Variants in ZNF721 observed in about 807,000 individuals in gnomAD.
ZNF721 encodes the protein zinc finger protein 721.
In ZNF721, 2 loss-of-function variants were observed where a neutral mutation model predicts 2.4. The ratio of observed to expected loss-of-function variants is 0.82; its 90% CI spans 0.34 to 2.58. ZNF721 has a LOEUF of 2.58. Among genes scored for constraint, ZNF721 ranks in the 30% most tolerant of loss-of-function variants. The probability of loss-of-function intolerance (pLI) is 0.11; values close to 1 mark genes in which losing one functional copy is unlikely to be tolerated. For missense variants in ZNF721, 1,187 were observed against 1,085.5 expected, an observed-to-expected ratio of 1.09 and a Z score of -1.31; for synonymous variants, 398 against 381.8, an observed-to-expected ratio of 1.04 and a Z score of -0.50.
intron 1 of ZNF721, chr4:474,044 C>G: frequency 1.3e-6 from 2 of 1,485,378 alleles, no homozygotes; most frequent in Admixed American, 3.6e-5. Flanking sequence ...CCGCAGGTTA[C>G]AGAGCGATGG....
In ZNF721 at chr4:472,715, T is replaced by C. The variant is rs782464423; in HGVS notation, c.-93-14A>G. On this transcript the variant is annotated splice_polypyrimidine_tract_variant and intron_variant, in intron 1 of 2. Transcript: ENST00000511833. ...TGTTAAGGGTTCCTGAAAATACATATGTATCAAGTGACAGAGTTCTTAATT... is the reference window on the plus strand; with the variant it reads ...TGTTAAGGGTTCCTGAAAATACATACGTATCAAGTGACAGAGTTCTTAATT... 5 of 1,610,610 alleles carry C rather than the reference T, an allele frequency of 3.1e-6. No individual in the cohort carries two copies. Among genetic ancestry groups the C allele is most frequent in the East Asian group, 4.5e-5 (2 of 44,872 alleles).
chr4:443,032 C>T lies in ZNF721; in HGVS notation c.1435G>A (p.Gly479Ser). 3 of 1,613,784 alleles carry T rather than the reference C, an allele frequency of 1.9e-6. No homozygotes were observed. The highest frequency in any genetic ancestry group is 1.7e-6 in the Non-Finnish European group (2 of 1,179,774). Residue 479 changes from glycine to serine, a missense_variant, in exon 3 of 3, where the codon GGC (glycine) becomes AGC (serine). Physicochemically the swap from Gly to Ser is moderately conservative, Grantham distance 56. Transcript: ENST00000511833. ...GKKPYKCKQC[G>S]KVITSSSSFA... Reference sequence around the variant, plus strand: ...CTTGAGGATGAGGTAATGACTTTGCCACATTGCTTACATTTGTAGGGTTTC... The same window carrying T: ...CTTGAGGATGAGGTAATGACTTTGCTACATTGCTTACATTTGTAGGGTTTC...
chr4:450,071 C>T (rs570203862), intron 2 of ZNF721, among the ~76,000 whole-genome samples: 10 of 152,200 alleles, frequency 6.6e-5, no homozygotes, highest in South Asian at 4.2e-4. Flanking sequence ...AAACTGTGGA[C>T]GACCACACAC....
intron 2 of ZNF721, among the ~76,000 whole-genome samples, chr4:461,641 G>A (rs1033110879): frequency 6.6e-6 from 1 of 152,184 alleles, no homozygotes; most frequent in Non-Finnish European, 1.5e-5. Context: ...GGGAGGCTGA[G>A]GTGGGTGGAT....
intron 2 of ZNF721, among the ~76,000 whole-genome samples, chr4:445,947 G>C (rs1553864100): frequency 6.6e-6 from 1 of 152,066 alleles, no homozygotes; most frequent in Non-Finnish European, 1.5e-5. Context: ...AGAAGGAACT[G>C]CAATATAATT....
Position 443,211 on chromosome 4 carries a change from CAT to C in ZNF721, c.1254_1255del (p.Cys419Ter), listed in dbSNP as rs782579789. On this transcript the variant is annotated frameshift_variant, in exon 3 of 3. Coordinates refer to ENST00000511833, the MANE Select transcript of ZNF721 (RefSeq NM_133474.4). LOFTEE classifies it low-confidence loss of function (END_TRUNC). Reference sequence around the variant, plus strand: ...TCCAAAGGCTCTGCCACGATCTTCACATGTGTAGGGTTTCTCTCTGGTGTGAA... The same window carrying C: ...TCCAAAGGCTCTGCCACGATCTTCACGTGTAGGGTTTCTCTCTGGTGTGAA... The C allele has an allele frequency of 4.2e-5, 67 of 1,613,824 alleles. No homozygotes were observed. The highest frequency in any genetic ancestry group is 4.9e-5 in the Non-Finnish European group (58 of 1,179,902).
chr4:464,845 C>T (rs368874116), intron 2 of ZNF721, among the ~76,000 whole-genome samples: 2 of 151,676 alleles, frequency 1.3e-5, no homozygotes, highest in South Asian at 2.1e-4. Context: ...TTTGGGAGGC[C>T]GAGGCGGGAG....
chr4:496,982 G>A, intron 1 of ZNF721, among the ~76,000 whole-genome samples: 1 of 152,008 alleles, frequency 6.6e-6, no homozygotes, highest in Non-Finnish European at 1.5e-5. Flanking sequence ...AAAGTGCTGG[G>A]ATTACAGGCG....
chr4:479,449 A>T (rs1174826859), intron 1 of ZNF721, among the ~76,000 whole-genome samples: 2 of 152,220 alleles, frequency 1.3e-5, no homozygotes, highest in Non-Finnish European at 2.9e-5. Flanking sequence ...AGAGGCACAG[A>T]AACAGCACAG....
chr4:498,215 GAAAAAAAAAAAA>G (rs797042296), intron 1 of ZNF721, among the ~76,000 whole-genome samples: 7 of 83,926 alleles, frequency 8.3e-5, no homozygotes, highest in South Asian at 9.6e-4. Context: ...AAAAGAAAAA[GAAAAAAAAAAAA>G]AAAAAAAAAA....
At chr4:488,234 A>C (rs1553870915) in intron 1 of ZNF721, among the ~76,000 whole-genome samples, 1 of 151,980 alleles carries the variant, frequency 6.6e-6, no homozygotes, top group Non-Finnish European at 1.5e-5. Context: ...CTGTTCAATT[A>C]TTTGTTCAAA....
At chr4:497,695 T>C (rs1716257596) in intron 1 of ZNF721, among the ~76,000 whole-genome samples, 1 of 142,404 alleles carries the variant, frequency 7.0e-6, no homozygotes, top group South Asian at 2.2e-4. Context: ...GAGACCATCC[T>C]GGCTAACATG....
At chr4:495,072 C>T (rs1343643656) in intron 1 of ZNF721, among the ~76,000 whole-genome samples, 7 of 151,560 alleles carry the variant, frequency 4.6e-5, no homozygotes, top group Non-Finnish European at 8.8e-5. Flanking sequence ...TTAATAGAGA[C>T]GAGGTTTCAC....
rs1296603375 is a variant in ZNF721 at position 440,913 on chromosome 4, T to G, written c.*782A>C. 6.6e-6 allele frequency: 1 copy of G among 152,240 alleles called. No individual in the cohort carries two copies. The highest frequency in any genetic ancestry group is 1.9e-4 in the East Asian group (1 of 5,206). 9.4% of individuals were successfully genotyped at this position (152,240 alleles called of 1,614,324 possible). ...ACTCCCGACCTCAGGTGATCCACCC[T>G]CCTTGGCCTCCCAAAGTGTTGGGAT... On this transcript the variant is annotated 3_prime_UTR_variant, in exon 3 of 3. Transcript: ENST00000511833.
intron 2 of ZNF721, among the ~76,000 whole-genome samples, chr4:467,282 T>C (rs189967870): frequency 9.3e-4 from 142 of 152,266 alleles, no homozygotes; most frequent in Non-Finnish European, 5.3e-4. Flanking sequence ...TGAAAAATTC[T>C]TTAGAATCAA....
At chr4:452,486 G>A (rs112426057) in intron 2 of ZNF721, among the ~76,000 whole-genome samples, 46 of 152,152 alleles carry the variant, frequency 3.0e-4, no homozygotes, top group African/African-American at 1.1e-3. Context: ...CAACCTCTGC[G>A]TGCAGTCACT....
rs561333870 is a variant in ZNF721, at chr4:486,284, G to A, written c.-94+12772C>T. 3.9e-3 allele frequency among the ~76,000 whole-genome samples: 593 copies of A among 151,404 alleles called. 2 individuals carry two copies. Among genetic ancestry groups the A allele is most frequent in the Middle Eastern group, 0.024 (7 of 292 alleles). On this transcript the variant is annotated intron_variant, in intron 1 of 2. Coordinates refer to ENST00000511833, the MANE Select transcript of ZNF721 (RefSeq NM_133474.4). ...CGTGATTCTCCTGCCTCCGCCTCCC[G>A]AGTAGCTGGGACTACAGGCGTCCGC...
chr4:469,530 CCCTATCAAAA>C (rs1715362835), intron 2 of ZNF721, among the ~76,000 whole-genome samples: 1 of 152,106 alleles, frequency 6.6e-6, no homozygotes, highest in Non-Finnish European at 1.5e-5. Context: ...CAAACGCGAT[CCCTATCAAAA>C]TTTTAGTGTC....
chr4:489,125 G>C (rs1249548680), intron 1 of ZNF721, among the ~76,000 whole-genome samples: 1 of 152,084 alleles, frequency 6.6e-6, no homozygotes, highest in Non-Finnish European at 1.5e-5. Flanking sequence ...TATGTATTTT[G>C]GTTTTAGCTT....
Sources: gnomAD v4.1 joint callset for allele counts (sites outside exome capture counted in the v4.1 genomes callset) on GRCh38, gnomAD v4.1.1 for gene constraint, MANE v1.5 for transcripts, NCBI Gene and HGNC (gene_info 2026-07-23, HGNC 2026-07-21) for gene names.